RABGAP1: variants seen among roughly 807,000 people sequenced by gnomAD.
The protein encoded by RABGAP1 is RAB GTPase activating protein 1.
Under a neutral mutation model 137.6 loss-of-function variants are expected in RABGAP1, and 23 were observed. The ratio of observed to expected loss-of-function variants is 0.17; its 90% CI spans 0.12 to 0.24. RABGAP1 has a LOEUF of 0.24. Among genes scored for constraint, RABGAP1 ranks in the 10% least tolerant of loss-of-function variants. RABGAP1 has a pLI of 1.00. For synonymous variants in RABGAP1, 451 were observed against 450.7 expected, an observed-to-expected ratio of 1.00 and a Z score of -0.01; for missense variants, 906 against 1,275.8, an observed-to-expected ratio of 0.71 and a Z score of 4.42.
In RABGAP1 at chr9:122,990,065, A is replaced by C. The variant is rs946515318; in HGVS notation, c.775A>C (p.Ile259Leu). Residue 259 changes from isoleucine (I) to leucine (L), a missense_variant, in exon 6 of 26, where the codon ATA becomes CTA. By Grantham distance (5) the Ile-to-Leu change is conservative (BLOSUM62 2). Coordinates refer to ENST00000373647, the MANE Select transcript of RABGAP1 (RefSeq NM_012197.4). ...ACATGTCTGGTTGTAGGTAAGCCGG[A>C]TACTTTACAGTTTTGCCACTGCCTT... ...RCEIQEAVSR[I>L]LYSFATAFRR... 1.2e-6 allele frequency: 2 copies of C among 1,605,282 alleles called. No homozygotes were observed. The highest frequency in any genetic ancestry group is 1.7e-6 in the Non-Finnish European group (2 of 1,173,316).
At chr9:123,091,546 A>G (rs1026011296) in intron 21 of RABGAP1, among the ~76,000 whole-genome samples, 9 of 152,262 alleles carry the variant, frequency 5.9e-5, no homozygotes, top group African/African-American at 2.2e-4. Flanking sequence ...CACCTTGGAC[A>G]CCTTGTAAAA....
chr9:123,038,648 C>CA (rs2032794683), intron 13 of RABGAP1, among the ~76,000 whole-genome samples: 1 of 151,954 alleles, frequency 6.6e-6, no homozygotes, highest in Non-Finnish European at 1.5e-5. Flanking sequence ...AAAACTGTGG[C>CA]ATTGAGATTT....
intron 13 of RABGAP1, chr9:123,029,865 G>C: frequency 3.3e-6 from 1 of 306,864 alleles, no homozygotes; most frequent in Non-Finnish European, 6.2e-6. Flanking sequence ...ATGCCCAGAG[G>C]TGAAGCTTAG....
intron 15 of RABGAP1, among the ~76,000 whole-genome samples, chr9:123,072,189 A>G (rs993884595): frequency 9.2e-5 from 14 of 152,164 alleles, no homozygotes; most frequent in Non-Finnish European, 2.9e-5. Flanking sequence ...TTTTAGCATC[A>G]TGTCAGTGTT....
At chr9:122,955,698 A>G (rs1222452126) in intron 1 of RABGAP1, among the ~76,000 whole-genome samples, 1 of 152,086 alleles carries the variant, frequency 6.6e-6, no homozygotes, top group Non-Finnish European at 1.5e-5. Context: ...TCTTCCAACT[A>G]TAATACTCAG....
intron 11 of RABGAP1, among the ~76,000 whole-genome samples, chr9:123,014,171 ATATCT>A (rs1403476877): frequency 5.3e-5 from 8 of 152,234 alleles, no homozygotes; most frequent in African/African-American, 1.7e-4. Context: ...GATTAAGTAG[ATATCT>A]TAGTCCATGT....
chr9:123,057,094 C>T (rs1402710207), intron 13 of RABGAP1, among the ~76,000 whole-genome samples: 4 of 145,076 alleles, frequency 2.8e-5, no homozygotes, highest in Admixed American at 6.8e-5. Context: ...GGCGGCTGGC[C>T]GGGCGGGGGG....
intron 2 of RABGAP1, among the ~76,000 whole-genome samples, chr9:122,981,350 C>G (rs1014895929): frequency 6.6e-6 from 1 of 152,090 alleles, no homozygotes; most frequent in African/African-American, 2.4e-5. Flanking sequence ...TAAAGCAGAA[C>G]TTCTGAAAAA....
In RABGAP1 at chr9:123,065,342, C is replaced by T. The variant is rs757657444; in HGVS notation, c.1795-6C>T. On this transcript the variant is annotated splice_polypyrimidine_tract_variant and splice_region_variant and intron_variant, in intron 13 of 25. Coordinates refer to ENST00000373647, the MANE Select transcript of RABGAP1 (RefSeq NM_012197.4). ...CTAAACCCTCTCTTTCCTTATGTTT[C>T]CACAGGAGTCTCCCCAGGACAGTGC... 6.3e-7 allele frequency: 1 copy of T among 1,585,684 alleles called. No individual in the cohort carries two copies. The highest frequency in any genetic ancestry group is 1.1e-5 in the South Asian group (1 of 88,528).
At chr9:122,933,282 A>G in the RABGAP1 span, among the ~76,000 whole-genome samples, 2 of 152,088 alleles carry the variant, frequency 1.3e-5, no homozygotes, top group East Asian at 3.9e-4. Flanking sequence ...AATGCCTATA[A>G]TTTTTATATA....
intron 4 of RABGAP1, among the ~76,000 whole-genome samples, chr9:122,988,010 T>C (rs958224094): frequency 2.0e-5 from 3 of 152,218 alleles, no homozygotes; most frequent in Non-Finnish European, 4.4e-5. Context: ...TCTGTATATG[T>C]AATTTTTCCC....
chr9:123,091,470 G>A (rs923177590), intron 21 of RABGAP1, among the ~76,000 whole-genome samples: 3 of 152,162 alleles, frequency 2.0e-5, no homozygotes, highest in Non-Finnish European at 4.4e-5. Flanking sequence ...AGAGACCACA[G>A]TATCTACCCA....
Position 123,097,768 on chromosome 9 carries a change from A to G in RABGAP1, c.2656A>G (p.Lys886Glu). 6.2e-7 allele frequency: 1 copy of G among 1,613,220 alleles called. No homozygotes were observed. The highest frequency in any genetic ancestry group is 8.5e-7 in the Non-Finnish European group (1 of 1,179,770). ...NAEEKADALN[K>E]ELLMTKQKLI... ...TGAGGAAAAGGCAGATGCTCTGAATAAGGAGCTGCTGATGACCAAACAGAA... is the reference window on the plus strand; with the variant it reads ...TGAGGAAAAGGCAGATGCTCTGAATGAGGAGCTGCTGATGACCAAACAGAA... Residue 886 changes from lysine to glutamate, a missense_variant, in exon 22 of 26, where the codon AAG (lysine) becomes GAG (glutamate). By Grantham distance (56) the Lys-to-Glu change is moderately conservative. Around this residue, in one of 9 missense-constraint regions of RABGAP1, gnomAD observed 193 missense variants for 248.1 expected, o/e 0.78. Coordinates refer to ENST00000373647, the MANE Select transcript of RABGAP1 (RefSeq NM_012197.4).
At chr9:123,048,296 A>G (rs967468328) in intron 13 of RABGAP1, among the ~76,000 whole-genome samples, 2 of 152,172 alleles carry the variant, frequency 1.3e-5, no homozygotes, top group Non-Finnish European at 2.9e-5. Context: ...TTTGTGACTT[A>G]TTTCAGAAGA....
intron 6 of RABGAP1, among the ~76,000 whole-genome samples, chr9:122,993,688 G>A (rs1221824550): frequency 6.6e-6 from 1 of 152,096 alleles, no homozygotes; most frequent in African/African-American, 2.4e-5. Context: ...TTTTGAGACG[G>A]AGTCTCGCTC....
At chr9:123,049,166 A>G (rs1307111956) in intron 13 of RABGAP1, among the ~76,000 whole-genome samples, 1 of 148,212 alleles carries the variant, frequency 6.7e-6, no homozygotes, top group African/African-American at 2.6e-5. Context: ...ATAATCATTC[A>G]GCTAATATAA....
At chr9:123,024,364 C>T (rs980492469) in intron 13 of RABGAP1, among the ~76,000 whole-genome samples, 1 of 152,120 alleles carries the variant, frequency 6.6e-6, no homozygotes, top group Non-Finnish European at 1.5e-5. Flanking sequence ...GTACCTGCTG[C>T]CCCATATCCC....
At chr9:122,979,743 G>C (rs1470353776) in intron 2 of RABGAP1, among the ~76,000 whole-genome samples, 1 of 152,180 alleles carries the variant, frequency 6.6e-6, no homozygotes, top group Non-Finnish European at 1.5e-5. Flanking sequence ...AACCTTGACA[G>C]TTTTGTTGAA....
rs1021932996 is a variant in RABGAP1 at position 123,090,302 on chromosome 9, A to C, written c.2545A>C (p.Asn849His). The C allele has an allele frequency of 1.2e-5, 20 of 1,613,058 alleles. No individual in the cohort carries two copies. Among genetic ancestry groups the C allele is most frequent in the Non-Finnish European group, 1.5e-5 (18 of 1,179,716 alleles). The change falls in exon 21 of 26, where the codon AAC becomes CAC. Residue 849 changes from asparagine (N) to histidine (H), a missense_variant. This residue lies in a region of RABGAP1 where 77 missense variants were observed against 105.6 expected (regional missense o/e 0.73). Transcript: ENST00000373647. ...GGAGAATAGGCGTCTACAAGAAGCT[A>C]ACATGAGGTTGGAACAGGAAAACGA... ...ERENRRLQEA[N>H]MRLEQENDDL... is the part of the protein sequence containing the mutation.
Sources: gnomAD v4.1 joint callset for allele counts (sites outside exome capture counted in the v4.1 genomes callset) on GRCh38, gnomAD v4.1.1 for gene constraint, gnomAD v4.1.1 regional missense constraint, MANE v1.5 for transcripts, NCBI Gene and HGNC (gene_info 2026-07-23, HGNC 2026-07-21) for gene names.